The following MRPL20 variants were observed in gnomAD, a reference collection of about 807,000 sequenced individuals.
MRPL20 encodes mitochondrial ribosomal protein L20, also known as large ribosomal subunit protein bL20m.
In MRPL20, 21 loss-of-function variants were observed where a neutral mutation model predicts 20.0. The ratio of observed to expected loss-of-function variants is 1.05; its 90% CI spans 0.74 to 1.51. The LOEUF is 1.51. MRPL20 is among the 40% of genes most tolerant of loss of function. The probability of loss-of-function intolerance (pLI) is 0.00; values close to 1 mark genes in which losing one functional copy is unlikely to be tolerated. For missense variants in MRPL20, 252 were observed against 185.6 expected, an observed-to-expected ratio of 1.36 and a Z score of -2.08; for synonymous variants, 104 against 73.0, an observed-to-expected ratio of 1.43 and a Z score of -2.17.
In MRPL20 at chr1:1,407,120, G is replaced by A. The variant is rs745689890; in HGVS notation, c.87+11C>T. The A allele has an allele frequency of 6.2e-7, 1 of 1,606,974 alleles. No homozygotes were observed. The highest frequency in any genetic ancestry group is 1.7e-5 in the Admixed American group (1 of 59,288). On this transcript the variant is annotated intron_variant, in intron 1 of 3. Coordinates refer to ENST00000344843, the MANE Select transcript of MRPL20 (RefSeq NM_017971.4). ...GGCGCCCAGTGCCCAGGCCGGGCAG[G>A]CGGCACTCACCCTGGCGTGCTTCAG... is the stretch of plus-strand genomic sequence containing the variant.
intron 3 of MRPL20, among the ~76,000 whole-genome samples, chr1:1,403,216 G>T (rs17160975): frequency 0.021 from 3,106 of 151,498 alleles, 77 homozygotes; most frequent in African/African-American, 0.055. Flanking sequence ...CCTGTGACCT[G>T]TATGCTTTGT....
chr1:1,406,908 C>T lies in MRPL20; in HGVS notation c.198+1G>A, dbSNP rs758896248. ...GGCGGGTGTCCCGGGTCCACGCTTA[C>T]GGTCCTCATGTTCTTTTTCTTCAGG... On this transcript the variant is annotated splice_donor_variant, in intron 2 of 3. Coordinates refer to ENST00000344843, the MANE Select transcript of MRPL20 (RefSeq NM_017971.4). LOFTEE classifies it high-confidence loss of function. The T allele has an allele frequency of 1.2e-6, 2 of 1,611,670 alleles. No homozygotes were observed.
At chr1:1,404,508 T>C (rs567528124) in intron 3 of MRPL20, among the ~76,000 whole-genome samples, 48 of 151,846 alleles carry the variant, frequency 3.2e-4, no homozygotes, top group Admixed American at 1.2e-3. Flanking sequence ...TCTACACTTT[T>C]TTTTTTTTTT....
chr1:1,401,970 G>C lies in MRPL20; in HGVS notation c.*113C>G, dbSNP rs780745047. 32 of 1,205,632 alleles carry C rather than the reference G, an allele frequency of 2.7e-5. No individual in the cohort carries two copies. Among genetic ancestry groups the C allele is most frequent in the Non-Finnish European group, 3.6e-5 (31 of 858,486 alleles). 74.7% of individuals were successfully genotyped at this position (1,205,632 alleles called of 1,614,324 possible). A position where few individuals can be genotyped will look rare whatever the true frequency, so the allele number is the denominator to read the frequency against. On this transcript the variant is annotated 3_prime_UTR_variant, in exon 4 of 4. Coordinates refer to ENST00000344843, the MANE Select transcript of MRPL20 (RefSeq NM_017971.4). Reference sequence around the variant, plus strand: ...ACATCATCTGTGAGGCTCTGTCCCAGAGAGACAGGGCCATCCCTCATGTCT... The same window carrying C: ...ACATCATCTGTGAGGCTCTGTCCCACAGAGACAGGGCCATCCCTCATGTCT...
intron 3 of MRPL20, 66 bp from the exon 4 acceptor site, chr1:1,402,322 C>T (rs1320032330): frequency 7.9e-6 from 12 of 1,521,390 alleles, no homozygotes; most frequent in East Asian, 4.6e-5. Context: ...CGCGTGGTTG[C>T]GGCGCTGGCT....
Position 1,402,714 on chromosome 1 carries a change from G to A in MRPL20, c.277-458C>T, listed in dbSNP as rs551611000. 7 of 811,586 alleles carry A rather than the reference G, an allele frequency of 8.6e-6. No individual in the cohort carries two copies. In the South Asian group the frequency reaches 1.7e-4, roughly 20 times the overall value. 50.3% of individuals were successfully genotyped at this position (811,586 alleles called of 1,614,324 possible). On this transcript the variant is annotated intron_variant, in intron 3 of 3. Coordinates refer to ENST00000344843, the MANE Select transcript of MRPL20 (RefSeq NM_017971.4). ...AATTCAGCTACCAAGGCAGGGCACG[G>A]TGTCTCGCCTGTAATCCCAGCACTT...
chr1:1,402,202 T>C lies in MRPL20; in HGVS notation c.331A>G (p.Lys111Glu). ...VLADLAIYEPKTFKSLAALAS... is the reference protein window; with the variant it reads ...VLADLAIYEPETFKSLAALAS... The stretch of plus-strand genomic sequence containing the variant: ...AAGGCAGCCAAAGATTTGAAAGTCT[T>C]TGGCTCGTAGATGGCCAGATCCGCT... The change falls in exon 4 of 4, where the codon AAG (lysine) becomes GAG (glutamate). Residue 111 changes from lysine to glutamate, a missense_variant. Lys to Glu is a moderately conservative substitution (Grantham distance 56). Transcript: ENST00000344843. The C allele has an allele frequency of 6.2e-7, 1 of 1,614,052 alleles. No individual in the cohort carries two copies. Among genetic ancestry groups the C allele is most frequent in the Non-Finnish European group, 8.5e-7 (1 of 1,180,002 alleles).
chr1:1,402,154 C>T lies in MRPL20; in HGVS notation c.379G>A (p.Gly127Arg). The change falls in exon 4 of 4, where the codon GGA becomes AGA. Residue 127 changes from glycine (G) to arginine (R), a missense_variant. Physicochemically the swap from Gly to Arg is moderately radical, Grantham distance 125. Coordinates refer to ENST00000344843, the MANE Select transcript of MRPL20 (RefSeq NM_017971.4). ...CCATCCCCCAAGGCAGCAGCAAATC[C>T]TTCGTGTCGCCTCCTACTGGCCAAG... ...AALASRRRHE[G>R]FAAALGDGKE... The T allele has an allele frequency of 1.2e-6, 2 of 1,614,148 alleles. No homozygotes were observed. Among genetic ancestry groups the T allele is most frequent in the Non-Finnish European group, 1.7e-6 (2 of 1,180,036 alleles).
intron 3 of MRPL20, among the ~76,000 whole-genome samples, chr1:1,404,085 C>T (rs113272711): frequency 2.0e-5 from 3 of 151,844 alleles, no homozygotes; most frequent in Non-Finnish European, 2.9e-5. Flanking sequence ...GTGATCAGCC[C>T]GCCTCTGCCT....
At chr1:1,403,090 C>T (rs1383089888) in intron 3 of MRPL20, among the ~76,000 whole-genome samples, 2 of 150,668 alleles carry the variant, frequency 1.3e-5, no homozygotes, top group African/African-American at 4.9e-5. Context: ...GATCGCGCCA[C>T]TTCACTCCAG....
Position 1,407,171 on chromosome 1 carries a change from T to A in MRPL20, c.47A>T (p.Asp16Val), listed in dbSNP as rs758442949. ...CACCTCCTGGATCCGAAAGTAGCGG[T>A]CGGTGACGCGATTCCGCAGCCAGAG... is the stretch of plus-strand genomic sequence containing the variant. ...AQLWLRNRVT[D>V]RYFRIQEVLK... Residue 16 changes from aspartate to valine, a missense_variant, in exon 1 of 4, where the codon GAC becomes GTC. Transcript: ENST00000344843. 1.2e-6 allele frequency: 2 copies of A among 1,607,802 alleles called. No homozygotes were observed. The highest frequency in any genetic ancestry group is 1.7e-6 in the Non-Finnish European group (2 of 1,177,404).
intron 3 of MRPL20, among the ~76,000 whole-genome samples, chr1:1,403,489 G>A (rs938730694): frequency 1.3e-5 from 2 of 151,952 alleles, no homozygotes; most frequent in Admixed American, 6.6e-5. Flanking sequence ...TGATCCACCC[G>A]CCTCAGCCTC....
intron 3 of MRPL20, chr1:1,405,379 T>TGATC: frequency 1.9e-6 from 1 of 516,692 alleles, no homozygotes; most frequent in Non-Finnish European, 3.5e-6. Flanking sequence ...GGGCTCAAAG[T>TGATC]GATCCCCCTG....
chr1:1,407,113 C>G lies in MRPL20; in HGVS notation c.87+18G>C. On this transcript the variant is annotated intron_variant, in intron 1 of 3. Coordinates refer to ENST00000344843, the MANE Select transcript of MRPL20 (RefSeq NM_017971.4). Reference sequence around the variant, plus strand: ...TACCCCGGGCGCCCAGTGCCCAGGCCGGGCAGGCGGCACTCACCCTGGCGT... The same window carrying G: ...TACCCCGGGCGCCCAGTGCCCAGGCGGGGCAGGCGGCACTCACCCTGGCGT... The G allele has an allele frequency of 6.2e-7, 1 of 1,606,902 alleles. No individual in the cohort carries two copies. The highest frequency in any genetic ancestry group is 8.5e-7 in the Non-Finnish European group (1 of 1,175,816).
rs764174892 is a variant in MRPL20 at position 1,407,230 on chromosome 1, C to T, written c.-13G>A. 1.9e-6 allele frequency: 3 copies of T among 1,585,952 alleles called. No individual in the cohort carries two copies. Among genetic ancestry groups the T allele is most frequent in the African/African-American group, 2.7e-5 (2 of 74,416 alleles). ...TGAGGAAGACCATGGCGCCTGCAGG[C>T]CGGCGTCCCGAACACTCAACAACGC... On this transcript the variant is annotated 5_prime_UTR_variant, in exon 1 of 4. Transcript: ENST00000344843.
intron 3 of MRPL20, among the ~76,000 whole-genome samples, chr1:1,402,759 G>A (rs1645345125): frequency 6.6e-6 from 1 of 152,176 alleles, no homozygotes; most frequent in African/African-American, 2.4e-5. Flanking sequence ...AAGGCAGGCA[G>A]GTCACCTGAG....
At chr1:1,406,843 G>C (rs2100400159) in intron 2 of MRPL20, 66 bp downstream of exon 2, 1 of 1,408,100 alleles carries the variant, frequency 7.1e-7, no homozygotes, top group Middle Eastern at 2.2e-4. Flanking sequence ...CACTAGCTGG[G>C]TCGCGGCGCA....
chr1:1,407,025 A>C lies in MRPL20; in HGVS notation c.88-6T>G, dbSNP rs553440141. 1 of 1,613,090 alleles carries C rather than the reference A, an allele frequency of 6.2e-7. No homozygotes were observed. The highest frequency in any genetic ancestry group is 1.3e-5 in the African/African-American group (1 of 74,994). Reference sequence around the variant, plus strand: ...TTTTTCCTTCCCCGGAAGTGCTGGGACAGAAAACGAGAAACCAGGGTTGTC... The same window carrying C: ...TTTTTCCTTCCCCGGAAGTGCTGGGCCAGAAAACGAGAAACCAGGGTTGTC... On this transcript the variant is annotated splice_polypyrimidine_tract_variant and splice_region_variant and intron_variant, in intron 1 of 3. Coordinates refer to ENST00000344843, the MANE Select transcript of MRPL20 (RefSeq NM_017971.4).
chr1:1,405,620 C>G, intron 3 of MRPL20, 189 bp downstream of exon 3: 1 of 1,037,100 alleles, frequency 9.6e-7, no homozygotes, highest in South Asian at 1.3e-5. Context: ...CAAGAGGTCA[C>G]CATATTGATA....
Sources: gnomAD v4.1 joint callset for allele counts (sites outside exome capture counted in the v4.1 genomes callset) on GRCh38, gnomAD v4.1.1 for gene constraint, MANE v1.5 for transcripts, NCBI Gene and HGNC (gene_info 2026-07-23, HGNC 2026-07-21) for gene names.